The following FILIP1 variants were observed in gnomAD, a reference collection of about 807,000 sequenced individuals.
FILIP1 encodes filamin A interacting protein 1, also known as filamin-A-interacting protein 1.
FILIP1 carries 61 observed loss-of-function variants against 102.1 expected under a neutral mutation model. That is an observed-to-expected ratio of 0.60 (90% CI 0.49 to 0.74). FILIP1 has a LOEUF of 0.74. Ranked by LOEUF, FILIP1 falls within the 30% of genes least tolerant of loss-of-function variation. The probability of loss-of-function intolerance (pLI) is 0.00; values close to 1 mark genes in which losing one functional copy is unlikely to be tolerated. For synonymous variants in FILIP1, 491 were observed against 526.9 expected, an observed-to-expected ratio of 0.93 and a Z score of 0.93; for missense variants, 1,314 against 1,441.2, an observed-to-expected ratio of 0.91 and a Z score of 1.43.
intron 1 of FILIP1, among the ~76,000 whole-genome samples, chr6:75,442,083 G>T (rs1474950182): frequency 6.6e-6 from 1 of 151,508 alleles, no homozygotes; most frequent in South Asian, 2.1e-4. Context: ...CAGACGGGGC[G>T]GCCGGGCAGA....
At chr6:75,380,715 C>G (rs1775883955) in intron 2 of FILIP1, among the ~76,000 whole-genome samples, 1 of 151,954 alleles carries the variant, frequency 6.6e-6, no homozygotes. Flanking sequence ...GAGTAAAATA[C>G]AGTACACCCA....
intron 1 of FILIP1, among the ~76,000 whole-genome samples, chr6:75,434,564 T>G (rs1001196871): frequency 1.3e-5 from 2 of 152,264 alleles, no homozygotes; most frequent in Non-Finnish European, 2.9e-5. Context: ...CTGAAGTTGC[T>G]TATCAGCTTA....
chr6:75,448,603 T>C (rs1257637002), intron 1 of FILIP1, among the ~76,000 whole-genome samples: 1 of 151,958 alleles, frequency 6.6e-6, no homozygotes, highest in Non-Finnish European at 1.5e-5. Context: ...AATCTATGCA[T>C]CCAACAAAGA....
At chr6:75,302,283 C>T (rs1772860236) in intron 6 of FILIP1, among the ~76,000 whole-genome samples, 1 of 152,100 alleles carries the variant, frequency 6.6e-6, no homozygotes, top group Non-Finnish European at 1.5e-5. Context: ...GTAATTCTGC[C>T]ATCTCATTAC....
chr6:75,421,471 C>T (rs1777462350), intron 1 of FILIP1, among the ~76,000 whole-genome samples: 1 of 152,114 alleles, frequency 6.6e-6, no homozygotes, highest in Non-Finnish European at 1.5e-5. Context: ...AGACTTGAGT[C>T]CTGGGTGGTT....
chr6:75,400,075 TG>T (rs1437673171), intron 2 of FILIP1, among the ~76,000 whole-genome samples: 2 of 151,978 alleles, frequency 1.3e-5, no homozygotes, highest in Non-Finnish European at 2.9e-5. Flanking sequence ...GGCACATCTG[TG>T]GAAAAAATAG....
intron 2 of FILIP1, among the ~76,000 whole-genome samples, chr6:75,385,376 A>C (rs1776055780): frequency 6.6e-6 from 1 of 152,188 alleles, no homozygotes; most frequent in Non-Finnish European, 1.5e-5. Flanking sequence ...GGCGCACTTG[A>C]AGGAGTGCTG....
chr6:75,391,678 T>C (rs1036672537), intron 2 of FILIP1, among the ~76,000 whole-genome samples: 21 of 152,186 alleles, frequency 1.4e-4, no homozygotes, highest in African/African-American at 5.1e-4. Context: ...TCCAGTCTTT[T>C]ACCTGTTGTT....
intron 2 of FILIP1, among the ~76,000 whole-genome samples, chr6:75,413,413 T>G (rs2149686085): frequency 6.6e-6 from 1 of 152,298 alleles, no homozygotes; most frequent in East Asian, 1.9e-4. Context: ...CTAGAAAATT[T>G]TATCTTTTGC....
chr6:75,485,943 G>A (rs1047035722), intron 1 of FILIP1, among the ~76,000 whole-genome samples: 1 of 149,458 alleles, frequency 6.7e-6, no homozygotes, highest in African/African-American at 2.5e-5. Context: ...ACCTTCTACC[G>A]CCTTCCTCAC....
At chr6:75,476,653 T>C (rs1363313790) in intron 1 of FILIP1, among the ~76,000 whole-genome samples, 1 of 152,224 alleles carries the variant, frequency 6.6e-6, no homozygotes, top group Non-Finnish European at 1.5e-5. Flanking sequence ...AATGCACTTA[T>C]GAAAAATATC....
At chr6:75,329,361 C>A (rs1773984438) in intron 4 of FILIP1, among the ~76,000 whole-genome samples, 1 of 152,226 alleles carries the variant, frequency 6.6e-6, no homozygotes. Context: ...AGCTCCAGAG[C>A]ATCAGTTGTC....
At chr6:75,332,882 C>T (rs1177780390) in intron 4 of FILIP1, among the ~76,000 whole-genome samples, 3 of 152,118 alleles carry the variant, frequency 2.0e-5, no homozygotes, top group Non-Finnish European at 4.4e-5. Context: ...CATAAAGGTA[C>T]CATACACCTC....
At chr6:75,415,799 C>G (rs577731131) in intron 1 of FILIP1, among the ~76,000 whole-genome samples, 2 of 152,192 alleles carry the variant, frequency 1.3e-5, no homozygotes, top group South Asian at 4.2e-4. Context: ...AAAGCAGCAG[C>G]TAAGATATTA....
intron 1 of FILIP1, among the ~76,000 whole-genome samples, chr6:75,489,262 G>A (rs1350068812): frequency 6.6e-6 from 1 of 152,108 alleles, no homozygotes; most frequent in Non-Finnish European, 1.5e-5. Context: ...AGACTGCTGA[G>A]TGATAAGGGA....
intron 2 of FILIP1, among the ~76,000 whole-genome samples, chr6:75,381,950 A>G (rs1234647328): frequency 6.6e-6 from 1 of 152,240 alleles, no homozygotes; most frequent in Non-Finnish European, 1.5e-5. Context: ...TCTTTCCATT[A>G]TATGTTGCTA....
intron 4 of FILIP1, among the ~76,000 whole-genome samples, chr6:75,346,340 T>C (rs915190789): frequency 2.4e-4 from 37 of 152,224 alleles, no homozygotes; most frequent in Admixed American, 2.3e-3. Flanking sequence ...AACATTATAA[T>C]ACTAAGACTT....
At chr6:75,389,124 T>C (rs777532373) in intron 2 of FILIP1, among the ~76,000 whole-genome samples, 6 of 152,148 alleles carry the variant, frequency 3.9e-5, no homozygotes, top group Non-Finnish European at 7.4e-5. Flanking sequence ...ATCTATTGAG[T>C]TAATCATGTG....
intron 1 of FILIP1, among the ~76,000 whole-genome samples, chr6:75,443,185 TTTC>T (rs1318871269): frequency 6.6e-6 from 1 of 152,188 alleles, no homozygotes; most frequent in Non-Finnish European, 1.5e-5. Flanking sequence ...ATCCATAGAT[TTTC>T]TTTTTTCTTT....
Sources: allele counts gnomAD v4.1 joint callset (sites outside exome capture counted in the v4.1 genomes callset), GRCh38; gene constraint gnomAD v4.1.1; transcripts MANE v1.5; gene names NCBI Gene and HGNC (gene_info 2026-07-23, HGNC 2026-07-21).